PLCB1: variants seen among roughly 807,000 people sequenced by gnomAD.
PLCB1 encodes the protein 1-phosphatidylinositol 4,5-bisphosphate phosphodiesterase beta-1.
PLCB1 carries 46 observed loss-of-function variants against 161.8 expected under a neutral mutation model. The ratio of observed to expected loss-of-function variants is 0.28; its 90% confidence interval spans 0.22 to 0.36. The LOEUF (loss-of-function observed/expected upper bound fraction) is 0.36, where lower values mean the gene tolerates loss of function less well. PLCB1 is among the 10% of genes least tolerant of loss of function. The pLI is 1.00. For synonymous variants in PLCB1, 517 were observed against 503.7 expected (o/e 1.03, Z -0.35); for missense variants, 1,016 against 1,472.5 (o/e 0.69, Z 5.07).
chr20:8,799,770 C>A (rs960794974), intron 31 of PLCB1, among the ~76,000 whole-genome samples: 5 of 152,168 alleles, frequency 3.3e-5, no homozygotes. Flanking sequence ...CACAGATGCT[C>A]AGGTCCTTTA....
At chr20:8,207,385 G>A (rs1332001838) in intron 2 of PLCB1, among the ~76,000 whole-genome samples, 1 of 152,120 alleles carries the variant, frequency 6.6e-6, no homozygotes, top group Non-Finnish European at 1.5e-5. Context: ...GAAAAGTGCT[G>A]TTATAAATCT....
At position 8,708,014 on chromosome 20, in the gene PLCB1, G is replaced by T. The variant is rs990268173; in HGVS notation, c.1168-656G>T. On this transcript the variant is annotated intron_variant, in intron 11 of 31. Transcript: ENST00000338037. ...GTGATGAATGATTGCCTGGGACTAG[G>T]TGTGTGGGGTGGGGTGCAGGAATGA... is the stretch of plus-strand genomic sequence containing the variant. Among the ~76,000 whole-genome samples, 3 of 152,086 alleles carry T rather than the reference G, an allele frequency of 2.0e-5. No homozygotes were observed. The East Asian group carries it at 5.8e-4, about 29-fold the overall frequency.
At chr20:8,459,958 A>G (rs1035846447) in intron 3 of PLCB1, among the ~76,000 whole-genome samples, 11 of 152,224 alleles carry the variant, frequency 7.2e-5, no homozygotes, top group African/African-American at 2.4e-4. Flanking sequence ...ATGTGCTCCT[A>G]TGAAGCCACC....
intron 9 of PLCB1, among the ~76,000 whole-genome samples, chr20:8,669,037 C>A (rs546492468): frequency 2.6e-5 from 4 of 152,236 alleles, no homozygotes; most frequent in Admixed American, 2.0e-4. Flanking sequence ...GAAAGGGGAA[C>A]AAAATCCAGA....
At chr20:8,736,234 G>A (rs574902104) in intron 19 of PLCB1, among the ~76,000 whole-genome samples, 2 of 152,326 alleles carry the variant, frequency 1.3e-5, no homozygotes, top group Admixed American at 6.5e-5. Context: ...ATGACAGCTG[G>A]TGGATAGTTC....
intron 31 of PLCB1, among the ~76,000 whole-genome samples, chr20:8,857,374 G>A (rs1987103681): frequency 6.6e-6 from 1 of 152,138 alleles, no homozygotes; most frequent in Non-Finnish European, 1.5e-5. Flanking sequence ...CTAAGTATAA[G>A]GTATCTATAT....
At chr20:8,287,796 T>C (rs1600288705) in intron 2 of PLCB1, among the ~76,000 whole-genome samples, 1 of 152,152 alleles carries the variant, frequency 6.6e-6, no homozygotes, top group African/African-American at 2.4e-5. Context: ...CTAAGGTCCA[T>C]GGGGCCAGTT....
chr20:8,559,900 T>G (rs1370350766), intron 3 of PLCB1, among the ~76,000 whole-genome samples: 1 of 152,008 alleles, frequency 6.6e-6, no homozygotes, highest in Non-Finnish European at 1.5e-5. Flanking sequence ...TCCTCTTTTT[T>G]TATAACATAG....
intron 3 of PLCB1, among the ~76,000 whole-genome samples, chr20:8,592,006 G>T (rs1051507093): frequency 6.6e-6 from 1 of 152,098 alleles, no homozygotes; most frequent in African/African-American, 2.4e-5. Context: ...GCCCAAACAA[G>T]AAATTCACTT....
intron 3 of PLCB1, among the ~76,000 whole-genome samples, chr20:8,397,205 T>C (rs1318771245): frequency 6.6e-6 from 1 of 152,102 alleles, no homozygotes; most frequent in Admixed American, 6.6e-5. Context: ...AAAAATACTG[T>C]TGCTACTAAT....
chr20:8,202,604 A>G (rs758307639), intron 2 of PLCB1, among the ~76,000 whole-genome samples: 2 of 152,230 alleles, frequency 1.3e-5, no homozygotes, highest in African/African-American at 2.4e-5. Flanking sequence ...GATAATATCA[A>G]TATCACATGG....
chr20:8,849,877 C>T (rs6086646), intron 31 of PLCB1, among the ~76,000 whole-genome samples: 32,528 of 149,094 alleles, frequency 0.22, 4,228 homozygotes, highest in Middle Eastern at 0.34. Flanking sequence ...GCTGGGCATG[C>T]TGGTGCAGGC....
chr20:8,611,479 T>C (rs1987901787), intron 3 of PLCB1, among the ~76,000 whole-genome samples: 1 of 152,166 alleles, frequency 6.6e-6, no homozygotes, highest in African/African-American at 2.4e-5. Flanking sequence ...CTGGGTTGAT[T>C]ACCTTAAAAT....
chr20:8,538,772 C>A (rs1309718557), intron 3 of PLCB1, among the ~76,000 whole-genome samples: 1 of 151,730 alleles, frequency 6.6e-6, no homozygotes, highest in East Asian at 1.9e-4. Flanking sequence ...ACTTTCTATT[C>A]CCCATTTTAT....
intron 3 of PLCB1, among the ~76,000 whole-genome samples, chr20:8,413,876 T>C (rs1340341498): frequency 2.0e-5 from 3 of 152,220 alleles, no homozygotes; most frequent in Non-Finnish European, 4.4e-5. Flanking sequence ...TGTCATCATC[T>C]GTGGTTTTCT....
intron 10 of PLCB1, among the ~76,000 whole-genome samples, chr20:8,693,027 T>G (rs1399664435): frequency 6.6e-6 from 1 of 152,048 alleles, no homozygotes; most frequent in Non-Finnish European, 1.5e-5. Flanking sequence ...AGAACCTAGA[T>G]AAAATATTTT....
chr20:8,147,548 G>A (rs367559524), intron 1 of PLCB1, among the ~76,000 whole-genome samples: 6 of 152,218 alleles, frequency 3.9e-5, no homozygotes, highest in African/African-American at 1.2e-4. Flanking sequence ...ATAGATACTA[G>A]CAGCTATGTG....
chr20:8,469,243 G>A (rs1981946489), intron 3 of PLCB1, among the ~76,000 whole-genome samples: 2 of 152,082 alleles, frequency 1.3e-5, no homozygotes, highest in Non-Finnish European at 2.9e-5. Flanking sequence ...CCTCTTTGCT[G>A]GAAAGAAAGT....
chr20:8,869,223 G>T (rs1003533066), intron 31 of PLCB1, among the ~76,000 whole-genome samples: 1 of 151,972 alleles, frequency 6.6e-6, no homozygotes, highest in Non-Finnish European at 1.5e-5. Flanking sequence ...AAGTTTTAGG[G>T]TACATGTGCA....
Sources: gnomAD v4.1 joint callset for allele counts (sites outside exome capture counted in the v4.1 genomes callset) on GRCh38, gnomAD v4.1.1 for gene constraint, MANE v1.5 for transcripts, NCBI Gene and HGNC (gene_info 2026-07-23, HGNC 2026-07-21) for gene names.